Variants in DACH2 observed in about 807,000 individuals in gnomAD.
DACH2 encodes the protein dachshund family transcription factor 2.
In DACH2, 17 loss-of-function variants were observed where a neutral mutation model predicts 35.8. The ratio of observed to expected loss-of-function variants is 0.48; its 90% CI spans 0.33 to 0.71. The LOEUF (loss-of-function observed/expected upper bound fraction) is 0.71. Ranked by LOEUF, DACH2 falls within the 30% of genes least tolerant of loss-of-function variation. The probability of loss-of-function intolerance (pLI) is 0.02; values close to 1 mark genes in which losing one functional copy is unlikely to be tolerated. For synonymous variants in DACH2, 195 were observed against 177.3 expected (o/e 1.10, Z -0.79); for missense variants, 469 against 472.7 (o/e 0.99, Z 0.07).
chrX:86,314,087 A>G (rs2034851257), intron 1 of DACH2, among the ~76,000 whole-genome samples: 1 of 109,744 alleles, frequency 9.1e-6, no homozygotes, highest in Non-Finnish European at 1.9e-5. Context: ...GCTATTTCTT[A>G]ATCTCTCTCC....
At chrX:86,696,856 G>A (rs1437463700) in intron 5 of DACH2, among the ~76,000 whole-genome samples, 1 of 111,429 alleles carries the variant, frequency 9.0e-6, no homozygotes, top group Non-Finnish European at 1.9e-5. Context: ...TTCCCCTCAT[G>A]TTTCTAGTAA....
intron 2 of DACH2, among the ~76,000 whole-genome samples, chrX:86,413,299 C>G (rs941951434): frequency 8.9e-6 from 1 of 111,986 alleles, no homozygotes; most frequent in South Asian, 3.7e-4. Context: ...TGAGGTAGGA[C>G]AGTAAAGGTA....
intron 1 of DACH2, among the ~76,000 whole-genome samples, chrX:86,156,072 G>C (rs2030535967): frequency 9.0e-6 from 1 of 110,663 alleles, no homozygotes; most frequent in African/African-American, 3.3e-5. Flanking sequence ...GTTAAAATTG[G>C]TGAAAATATT....
intron 1 of DACH2, among the ~76,000 whole-genome samples, chrX:86,344,340 A>T (rs920754362): frequency 3.3e-5 from 3 of 91,709 alleles, no homozygotes; most frequent in Non-Finnish European, 4.5e-5. Flanking sequence ...ATATATATAT[A>T]TATACACACA....
intron 2 of DACH2, among the ~76,000 whole-genome samples, chrX:86,473,175 CTTT>C (rs1047742123): frequency 2.2e-4 from 24 of 110,902 alleles, no homozygotes; most frequent in Non-Finnish European, 4.5e-4. Context: ...TAATTATATT[CTTT>C]AAGTTGTTTT....
intron 3 of DACH2, among the ~76,000 whole-genome samples, chrX:86,529,065 G>T (rs751454441): frequency 1.3e-3 from 148 of 111,990 alleles, no homozygotes; most frequent in African/African-American, 4.5e-3. Flanking sequence ...TGTTTTTAGA[G>T]AAAATGTCTT....
At chrX:86,740,678 T>C (rs894932341) in intron 7 of DACH2, among the ~76,000 whole-genome samples, 1 of 109,646 alleles carries the variant, frequency 9.1e-6, no homozygotes, top group African/African-American at 3.3e-5. Context: ...AGTCTAGCTA[T>C]AGGTCTGGCA....
chrX:86,430,868 T>C (rs934559780), intron 2 of DACH2, among the ~76,000 whole-genome samples: 1 of 111,886 alleles, frequency 8.9e-6, no homozygotes, highest in Non-Finnish European at 1.9e-5. Flanking sequence ...AGTCATTTTG[T>C]AAGATGCTGA....
chrX:86,270,039 A>ATT (rs764916607), intron 1 of DACH2, among the ~76,000 whole-genome samples: 144 of 94,045 alleles, frequency 1.5e-3, no homozygotes, highest in Non-Finnish European at 1.9e-3. Flanking sequence ...ATATATATAT[A>ATT]TTTTTTTTTT....
At chrX:86,793,107 G>A (rs908705767) in intron 7 of DACH2, among the ~76,000 whole-genome samples, 4 of 110,620 alleles carry the variant, frequency 3.6e-5, no homozygotes, top group African/African-American at 1.3e-4. Context: ...GCATTTTCCT[G>A]ATAATTAGTG....
chrX:86,544,981 G>C (rs2038937799), intron 3 of DACH2, among the ~76,000 whole-genome samples: 1 of 111,981 alleles, frequency 8.9e-6, no homozygotes, highest in Non-Finnish European at 1.9e-5. Context: ...TTTTAGTAGA[G>C]AGGGGGTTTT....
intron 1 of DACH2, among the ~76,000 whole-genome samples, chrX:86,247,634 G>C (rs1295914109): frequency 9.0e-6 from 1 of 110,870 alleles, no homozygotes; most frequent in Admixed American, 9.6e-5. Context: ...TATGTTCATA[G>C]ATATGAACAT....
chrX:86,189,674 T>C (rs2031771767), intron 1 of DACH2, among the ~76,000 whole-genome samples: 1 of 111,581 alleles, frequency 9.0e-6, no homozygotes, highest in Non-Finnish European at 1.9e-5. Flanking sequence ...AAATTGACTG[T>C]AAAAATATTA....
intron 2 of DACH2, among the ~76,000 whole-genome samples, chrX:86,502,016 TTCC>T (rs1202045115): frequency 2.8e-5 from 1 of 35,714 alleles, no homozygotes; most frequent in Non-Finnish European, 5.3e-5. Context: ...CCTTCTTTCC[TTCC>T]TTCCTTCCTT....
At chrX:86,313,357 G>T (rs1029807652) in intron 1 of DACH2, among the ~76,000 whole-genome samples, 1 of 111,648 alleles carries the variant, frequency 9.0e-6, no homozygotes, top group African/African-American at 3.3e-5. Context: ...ATAGTAAGTA[G>T]ATATTTTGGG....
chrX:86,780,350 G>T (rs1250984754), intron 7 of DACH2, among the ~76,000 whole-genome samples: 1 of 111,122 alleles, frequency 9.0e-6, no homozygotes, highest in Non-Finnish European at 1.9e-5. Flanking sequence ...GGCTGAAATG[G>T]CTGAAATGAC....
At chrX:86,256,960 G>A (rs1303074816) in intron 1 of DACH2, among the ~76,000 whole-genome samples, 1 of 111,590 alleles carries the variant, frequency 9.0e-6, no homozygotes, top group African/African-American at 3.3e-5. Context: ...CAAAGGTATT[G>A]CATTACCTTT....
At chrX:86,498,792 T>A (rs1165974383) in intron 2 of DACH2, among the ~76,000 whole-genome samples, 1 of 112,328 alleles carries the variant, frequency 8.9e-6, no homozygotes, top group Non-Finnish European at 1.9e-5. Flanking sequence ...CCTTCAGAAC[T>A]TGAATATTTA....
intron 1 of DACH2, among the ~76,000 whole-genome samples, chrX:86,349,613 T>C (rs1232788534): frequency 8.9e-6 from 1 of 112,226 alleles, no homozygotes; most frequent in Non-Finnish European, 1.9e-5. Flanking sequence ...AGTCAGTTAT[T>C]AACGTATTAA....
Sources: gnomAD v4.1 joint callset for allele counts (sites outside exome capture counted in the v4.1 genomes callset) on GRCh38, gnomAD v4.1.1 for gene constraint, MANE v1.5 for transcripts, NCBI Gene and HGNC (gene_info 2026-07-23, HGNC 2026-07-21) for gene names.